IMMP1L: variants seen among roughly 807,000 people sequenced by gnomAD.
IMMP1L encodes the protein mitochondrial inner membrane protease subunit 1.
In IMMP1L, 24 loss-of-function variants were observed where a neutral mutation model predicts 21.8. That is an observed-to-expected ratio of 1.10 (90% CI 0.80 to 1.55). The LOEUF (loss-of-function observed/expected upper bound fraction) is 1.55. Ranked by LOEUF, IMMP1L falls within the 40% of genes most tolerant of loss-of-function variation. The pLI is 0.00. For synonymous variants in IMMP1L, 46 were observed against 62.8 expected, an observed-to-expected ratio of 0.73 and a Z score of 1.26; for missense variants, 195 against 200.7, an observed-to-expected ratio of 0.97 and a Z score of 0.17.
chr11:31,506,739 A>G (rs1382064471), intron 1 of IMMP1L, among the ~76,000 whole-genome samples: 1 of 151,264 alleles, frequency 6.6e-6, no homozygotes, highest in Non-Finnish European at 1.5e-5. Context: ...AGGCGGGTGG[A>G]TCACAAGGTC....
Position 31,509,524 on chromosome 11 carries a change from G to A in IMMP1L, c.-35C>T. The A allele has an allele frequency of 1.8e-6, 1 of 542,930 alleles. No individual in the cohort carries two copies. Among genetic ancestry groups the A allele is most frequent in the East Asian group, 3.1e-5 (1 of 32,596 alleles). The allele number at this position is 542,930 out of a possible 1,614,324, so 33.6% of individuals were successfully genotyped here. Reference sequence around the variant, plus strand: ...CGTTACGTGATATTACCTACCTCGGGCCCCAAAGAACCCTGGAGACCCTCA... The same window carrying A: ...CGTTACGTGATATTACCTACCTCGGACCCCAAAGAACCCTGGAGACCCTCA... On this transcript the variant is annotated 5_prime_UTR_variant, in exon 1 of 6. Coordinates refer to ENST00000532287, the MANE Select transcript of IMMP1L (RefSeq NM_001304274.2).
intron 3 of IMMP1L, among the ~76,000 whole-genome samples, chr11:31,459,552 G>C (rs1954067500): frequency 6.6e-6 from 1 of 152,024 alleles, no homozygotes; most frequent in Non-Finnish European, 1.5e-5. Flanking sequence ...GAGTTAATTG[G>C]AATAAAGGGT....
chr11:31,507,027 T>TC (rs1197943835), intron 1 of IMMP1L, among the ~76,000 whole-genome samples: 1 of 150,266 alleles, frequency 6.7e-6, no homozygotes, highest in Non-Finnish European at 1.5e-5. Context: ...CACCTGTAAT[T>TC]CCAGCACTTT....
intron 1 of IMMP1L, among the ~76,000 whole-genome samples, chr11:31,489,374 A>T (rs1955183740): frequency 6.6e-6 from 1 of 152,216 alleles, no homozygotes. Context: ...TATCAATGTT[A>T]TTAATACATA....
chr11:31,442,262 G>A (rs995320684), intron 4 of IMMP1L, among the ~76,000 whole-genome samples: 1 of 152,146 alleles, frequency 6.6e-6, no homozygotes, highest in Non-Finnish European at 1.5e-5. Context: ...ATTTACTGAG[G>A]TCTAGTTAAG....
chr11:31,456,892 A>AC lies in IMMP1L; in HGVS notation c.195-507_195-506insG, dbSNP rs1435074662. On this transcript the variant is annotated intron_variant, in intron 3 of 5. Transcript: ENST00000532287. ...CCATGTCTCCAAAAAAAAAAAAAAA[A>AC]AAAAAAAAAAACCACACACACAAAA... Among the ~76,000 whole-genome samples the AC allele has an allele frequency of 7.2e-4, 104 of 145,100 alleles. 1 individual carries two copies. Among genetic ancestry groups the AC allele is most frequent in the African/African-American group, 2.3e-3 (91 of 39,676 alleles).
chr11:31,496,965 TC>T (rs1308983653), intron 1 of IMMP1L, among the ~76,000 whole-genome samples: 1 of 142,560 alleles, frequency 7.0e-6, no homozygotes, highest in Non-Finnish European at 1.5e-5. Context: ...ATCATATATA[TC>T]ATCTATTATA....
chr11:31,487,426 C>A (rs915146067), intron 1 of IMMP1L, among the ~76,000 whole-genome samples: 1 of 152,046 alleles, frequency 6.6e-6, no homozygotes, highest in Non-Finnish European at 1.5e-5. Context: ...TCAAAAAATA[C>A]AATAGCTTAG....
chr11:31,490,058 A>G (rs952600726), intron 1 of IMMP1L, among the ~76,000 whole-genome samples: 1 of 152,236 alleles, frequency 6.6e-6, no homozygotes, highest in Non-Finnish European at 1.5e-5. Flanking sequence ...GACAACCACT[A>G]TTCTAATAAA....
chr11:31,449,626 G>T (rs1322886010), intron 4 of IMMP1L, among the ~76,000 whole-genome samples: 2 of 151,954 alleles, frequency 1.3e-5, no homozygotes, highest in East Asian at 1.9e-4. Context: ...TTACATTTCT[G>T]CCAGTAATAA....
chr11:31,455,511 G>A (rs2133626959), intron 4 of IMMP1L, among the ~76,000 whole-genome samples: 1 of 152,146 alleles, frequency 6.6e-6, no homozygotes, highest in African/African-American at 2.4e-5. Context: ...AGCTGTACAG[G>A]CAAGGTGGTT....
intron 2 of IMMP1L, 53 bp downstream of exon 2, chr11:31,463,119 A>G (rs1229309623): frequency 2.8e-6 from 4 of 1,404,534 alleles, no homozygotes; most frequent in Admixed American, 2.3e-5. Context: ...CTTTCCTTCC[A>G]TTTGAAAGAA....
At chr11:31,505,960 C>T (rs1313819947) in intron 1 of IMMP1L, among the ~76,000 whole-genome samples, 2 of 152,184 alleles carry the variant, frequency 1.3e-5, no homozygotes, top group African/African-American at 2.4e-5. Flanking sequence ...CAAAAGTAGA[C>T]TATTAGCAGT....
At chr11:31,450,628 T>A (rs1474758970) in intron 4 of IMMP1L, among the ~76,000 whole-genome samples, 1 of 152,200 alleles carries the variant, frequency 6.6e-6, no homozygotes, top group Non-Finnish European at 1.5e-5. Flanking sequence ...GGTCAGGTAG[T>A]CTTATCACTG....
intron 1 of IMMP1L, among the ~76,000 whole-genome samples, chr11:31,500,612 A>ACACAC (rs1491094510): frequency 0.043 from 6,222 of 145,140 alleles, 175 homozygotes; most frequent in Middle Eastern, 0.071. Context: ...CACACACACA[A>ACACAC]ACACACACAC....
chr11:31,485,147 G>T (rs1234359624), intron 1 of IMMP1L, among the ~76,000 whole-genome samples: 1 of 151,762 alleles, frequency 6.6e-6, no homozygotes, highest in East Asian at 1.9e-4. Flanking sequence ...ATGTTTTCAT[G>T]AAGTCAAATC....
At chr11:31,466,900 CAAG>C (rs1416858964) in intron 1 of IMMP1L, among the ~76,000 whole-genome samples, 1 of 151,998 alleles carries the variant, frequency 6.6e-6, no homozygotes, top group Admixed American at 6.6e-5. Context: ...CAGAAAGGTA[CAAG>C]AAGATCTTTA....
At chr11:31,484,660 C>A (rs1242952957) in intron 1 of IMMP1L, among the ~76,000 whole-genome samples, 1 of 151,800 alleles carries the variant, frequency 6.6e-6, no homozygotes, top group African/African-American at 2.4e-5. Context: ...GAGGTAAATG[C>A]ATTGGTCTTT....
intron 1 of IMMP1L, among the ~76,000 whole-genome samples, chr11:31,506,481 C>T (rs1004565574): frequency 2.0e-5 from 3 of 151,832 alleles, no homozygotes; most frequent in South Asian, 2.1e-4. Context: ...CTGCACGCCT[C>T]GTCCTCCCAT....
Sources: allele counts gnomAD v4.1 joint callset (sites outside exome capture counted in the v4.1 genomes callset), GRCh38; gene constraint gnomAD v4.1.1; transcripts MANE v1.5; gene names NCBI Gene and HGNC (gene_info 2026-07-23, HGNC 2026-07-21).